The following MYO7A variants were observed in gnomAD, a reference collection of about 807,000 sequenced individuals.
The protein encoded by MYO7A is unconventional myosin-VIIa.
MYO7A carries 210 observed loss-of-function variants against 263.8 expected under a neutral mutation model. That is an observed-to-expected ratio of 0.80 (90% confidence interval 0.71 to 0.89). The LOEUF is 0.89. Among genes scored for constraint, MYO7A ranks in the 40% least tolerant of loss-of-function variants. The pLI, the probability that MYO7A is intolerant of heterozygous loss-of-function variation, is 0.00. For missense variants in MYO7A, 2,820 were observed against 2,968.3 expected (o/e 0.95, Z 1.16); for synonymous variants, 1,239 against 1,197.3 (o/e 1.03, Z -0.72).
intron 32 of MYO7A, among the ~76,000 whole-genome samples, chr11:77,196,637 T>C (rs905126343): frequency 1.3e-5 from 2 of 152,228 alleles, no homozygotes; most frequent in Non-Finnish European, 2.9e-5. Flanking sequence ...TGCCTACATA[T>C]GTATTTTCTC....
intron 37 of MYO7A, among the ~76,000 whole-genome samples, chr11:77,202,810 G>A (rs560399677): frequency 1.6e-4 from 24 of 152,036 alleles, no homozygotes; most frequent in Admixed American, 1.4e-3. Flanking sequence ...GGGGGCGCAG[G>A]GTGGTGGGGG....
chr11:77,155,237 A>G (rs1555060505), intron 4 of MYO7A, among the ~76,000 whole-genome samples: 1 of 152,170 alleles, frequency 6.6e-6, no homozygotes, highest in Non-Finnish European at 1.5e-5. Context: ...TCTTTGCACT[A>G]ACAGAGGAGC....
intron 3 of MYO7A, among the ~76,000 whole-genome samples, chr11:77,144,982 C>A (rs1218027856): frequency 6.6e-6 from 1 of 152,210 alleles, no homozygotes; most frequent in African/African-American, 2.4e-5. Flanking sequence ...CAGGCCAGGC[C>A]TCAGCTACTG....
In MYO7A at chr11:77,214,764, A is replaced by G; in HGVS notation, c.*68A>G. The G allele has an allele frequency of 7.8e-7, 1 of 1,289,264 alleles. No homozygotes were observed. The highest frequency in any genetic ancestry group is 1.1e-6 in the Non-Finnish European group (1 of 917,148). The allele number at this position is 1,289,264 out of a possible 1,614,324, so 79.9% of individuals were successfully genotyped here. The stretch of plus-strand genomic sequence containing the variant: ...AGCAGTGGGTTCAGGCCCATCAGCT[A>G]CCCCTGCAGCTGGGGAAGACTTATG... On this transcript the variant is annotated 3_prime_UTR_variant, in exon 49 of 49. Transcript: ENST00000409709.
chr11:77,205,157 G>C (rs1957356970), intron 39 of MYO7A, among the ~76,000 whole-genome samples: 1 of 152,258 alleles, frequency 6.6e-6, no homozygotes, highest in South Asian at 2.1e-4. Context: ...AGCTGAAGCA[G>C]AGTGCATGGT....
At chr11:77,183,769 ACCT>A (rs1435702053) in intron 26 of MYO7A, among the ~76,000 whole-genome samples, 2 of 151,660 alleles carry the variant, frequency 1.3e-5, no homozygotes, top group African/African-American at 2.4e-5. Flanking sequence ...GCCTGGGGTC[ACCT>A]CCTCCAGGAA....
chr11:77,156,135 A>C lies in MYO7A; in HGVS notation c.470+44A>C, dbSNP rs1176407820. ...GTGTGGAGCTCCAGGCTTAGGACCT[A>C]GAGCTCCAACTGTGCGCTCCTGCTG... On this transcript the variant is annotated intron_variant, in intron 5 of 48. Coordinates refer to ENST00000409709, the MANE Select transcript of MYO7A (RefSeq NM_000260.4). 3 of 1,598,522 alleles carry C rather than the reference A, an allele frequency of 1.9e-6. No individual in the cohort carries two copies. In the East Asian group the frequency reaches 6.7e-5, roughly 36 times the overall value.
Position 77,174,913 on chromosome 11 carries a change from A to G in MYO7A, c.2093A>G (p.Gln698Arg). ...CCAGGTGTGAAGCCGGCCTACAAGC[A>G]GGTACAGGGCTGAGTGCACAGAGGG... ...LLPGVKPAYK[Q>R]GDLRGTCQRM... Residue 698 changes from glutamine to arginine, a missense_variant and splice_region_variant, in exon 17 of 49, where the codon CAG (glutamine) becomes CGG (arginine). Physicochemically the swap from Gln to Arg is conservative, Grantham distance 43 (BLOSUM62 1). Coordinates refer to ENST00000409709, the MANE Select transcript of MYO7A (RefSeq NM_000260.4). The G allele has an allele frequency of 6.2e-7, 1 of 1,613,584 alleles. No individual in the cohort carries two copies. Among genetic ancestry groups the G allele is most frequent in the Non-Finnish European group, 8.5e-7 (1 of 1,179,792 alleles).
rs1952581664 is a variant in MYO7A at position 77,157,363 on chromosome 11, C to T, written c.820C>T (p.Gln274Ter). The T allele has an allele frequency of 6.2e-7, 1 of 1,610,666 alleles. No individual in the cohort carries two copies. The highest frequency in any genetic ancestry group is 1.3e-5 in the African/African-American group (1 of 74,964). ...EDQKKKLGLG[Q>*]ASDYNYLAMG... ...TCAGAAGAAGAAGCTGGGCTTGGGC[C>T]AGGCCTCTGACTACAACTACTTGGC... is the stretch of plus-strand genomic sequence containing the variant. The change falls in exon 8 of 49, where the codon CAG (glutamine) becomes TAG (stop). Residue 274 changes from glutamine (Q) to a stop codon, truncating the protein, a stop_gained. Transcript: ENST00000409709. LOFTEE classifies it high-confidence loss of function.
intron 25 of MYO7A, 69 bp from the exon 26 acceptor site, chr11:77,182,999 C>T: frequency 7.5e-7 from 1 of 1,339,936 alleles, no homozygotes; most frequent in African/African-American, 1.5e-5. Flanking sequence ...CCCGCAAAGT[C>T]TTGCTGTCGG....
At position 77,142,706 on chromosome 11, in the gene MYO7A, T is replaced by A; in HGVS notation, c.19-3T>A. ...CTGGGCTGAGACTCTCTCTCGCCCA[T>A]AGGGGGACCATGTGTGGATGGACCT... On this transcript the variant is annotated splice_region_variant and splice_polypyrimidine_tract_variant and intron_variant, in intron 2 of 48. Coordinates refer to ENST00000409709, the MANE Select transcript of MYO7A (RefSeq NM_000260.4). 6.2e-7 allele frequency: 1 copy of A among 1,607,440 alleles called. No homozygotes were observed. The highest frequency in any genetic ancestry group is 8.5e-7 in the Non-Finnish European group (1 of 1,177,066).
chr11:77,211,382 C>T (rs1450035558), intron 45 of MYO7A, 45 bp downstream of exon 45: 2 of 1,532,202 alleles, frequency 1.3e-6, no homozygotes, highest in Non-Finnish European at 1.8e-6. Flanking sequence ...CCTGAATGGG[C>T]CTCGGGGCAC....
Position 77,162,953 on chromosome 11 carries a change from A to T in MYO7A, c.1655A>T (p.Asn552Ile). 6.2e-6 allele frequency: 10 copies of T among 1,613,840 alleles called. No homozygotes were observed. Among genetic ancestry groups the T allele is most frequent in the Non-Finnish European group, 7.6e-6 (9 of 1,179,846 alleles). ...AACCATGAGACCCAGTTTGGCATCA[A>T]CCATTTTGCAGGCATCGTCTACTAT... ...KNNHETQFGI[N>I]HFAGIVYYET... is the part of the protein sequence containing the mutation. Residue 552 changes from asparagine to isoleucine, a missense_variant, in exon 14 of 49, where the codon AAC (asparagine) becomes ATC (isoleucine). By Grantham distance (149) the Asn-to-Ile change is moderately radical. Transcript: ENST00000409709.
At chr11:77,161,274 C>T (rs868965945) in intron 12 of MYO7A, among the ~76,000 whole-genome samples, 159 bp downstream of exon 12, 1 of 152,194 alleles carries the variant, frequency 6.6e-6, no homozygotes, top group Non-Finnish European at 1.5e-5. Flanking sequence ...TTCCCATCCC[C>T]TCGTGTCCCT....
intron 25 of MYO7A, among the ~76,000 whole-genome samples, 164 bp downstream of exon 25, chr11:77,182,764 G>A (rs1187163609): frequency 2.6e-5 from 4 of 152,266 alleles, no homozygotes; most frequent in African/African-American, 9.6e-5. Context: ...GGGAACAAAT[G>A]TGTGCAACTT....
At chr11:77,142,595 C>T (rs1361524735) in intron 2 of MYO7A, 114 bp from the exon 3 acceptor site, 2 of 876,068 alleles carry the variant, frequency 2.3e-6, no homozygotes, top group South Asian at 1.4e-5. Context: ...TTCTCTTCCC[C>T]CTTGTGTGGT....
Position 77,184,702 on chromosome 11 carries a change from C to A in MYO7A, c.3490C>A (p.Arg1164=). ...LHFIIGNGIL[R]PALRDEIYCQ... is the part of the protein sequence containing the mutation. The stretch of plus-strand genomic sequence containing the variant: ...CTTCATCATCGGCAATGGCATCCTG[C>A]GGCCAGCACTCCGGTCAGTGCCGGG... The change falls in exon 27 of 49, where the codon CGG becomes AGG. Residue 1164 remains arginine (R), a synonymous_variant. Transcript: ENST00000409709. 6.2e-7 allele frequency: 1 copy of A among 1,600,232 alleles called. No homozygotes were observed. Among genetic ancestry groups the A allele is most frequent in the East Asian group, 2.2e-5 (1 of 44,466 alleles).
chr11:77,194,175 G>T (rs1200030986), intron 31 of MYO7A, 179 bp from the exon 32 acceptor site: 1 of 788,730 alleles, frequency 1.3e-6, no homozygotes, highest in Admixed American at 2.0e-5. Flanking sequence ...GGGAGCTCAT[G>T]GTTCCTCTGA....
At chr11:77,158,086 G>A (rs1555065204) in intron 8 of MYO7A, among the ~76,000 whole-genome samples, 191 bp from the exon 9 acceptor site, 2 of 152,126 alleles carry the variant, frequency 1.3e-5, no homozygotes, top group Non-Finnish European at 2.9e-5. Context: ...TTCCTGGGAA[G>A]CCCAGGCTTT....
Sources: allele counts gnomAD v4.1 joint callset (sites outside exome capture counted in the v4.1 genomes callset), GRCh38; gene constraint gnomAD v4.1.1; transcripts MANE v1.5; gene names NCBI Gene and HGNC (gene_info 2026-07-23, HGNC 2026-07-21).